Variants in EPHX2 observed in about 807,000 individuals in gnomAD.
EPHX2 encodes the protein epoxide hydrolase 2, also known as bifunctional epoxide hydrolase 2.
Under a neutral mutation model 78.7 loss-of-function variants are expected in EPHX2, and 74 were observed. That is an observed-to-expected ratio of 0.94 (90% CI 0.78 to 1.14). EPHX2 has a LOEUF of 1.14. Ranked by LOEUF, EPHX2 falls within the 50% of genes most tolerant of loss-of-function variation. The pLI, the probability that EPHX2 is intolerant of heterozygous loss-of-function variation, is 0.00. For synonymous variants in EPHX2, 251 were observed against 255.2 expected (o/e 0.98, Z 0.16); for missense variants, 715 against 702.5 (o/e 1.02, Z -0.20).
downstream of EPHX2, chr8:27,545,642 C>G (rs1381200788): frequency 6.6e-6 from 1 of 152,442 alleles, no homozygotes; most frequent in Non-Finnish European, 1.5e-5. Context: ...TGGAATATTC[C>G]TCCTGCCACC....
At chr8:27,529,955 A>T (rs1814977786) in intron 12 of EPHX2, among the ~76,000 whole-genome samples, 1 of 152,086 alleles carries the variant, frequency 6.6e-6, no homozygotes, top group Non-Finnish European at 1.5e-5. Context: ...AAGAGAAACT[A>T]AGGATCAGAG....
chr8:27,526,243 G>A (rs1814842854), intron 12 of EPHX2, among the ~76,000 whole-genome samples: 1 of 152,214 alleles, frequency 6.6e-6, no homozygotes, highest in Non-Finnish European at 1.5e-5. Flanking sequence ...TCCCAGTTTC[G>A]ATTCAACGAG....
chr8:27,510,982 A>C (rs1814218218), intron 5 of EPHX2, among the ~76,000 whole-genome samples: 2 of 152,098 alleles, frequency 1.3e-5, no homozygotes, highest in South Asian at 4.1e-4. Flanking sequence ...GGACACACAC[A>C]GAGAGGTACC....
At chr8:27,499,936 C>G (rs1813703982) in intron 1 of EPHX2, among the ~76,000 whole-genome samples, 1 of 152,198 alleles carries the variant, frequency 6.6e-6, no homozygotes, top group African/African-American at 2.4e-5. Context: ...TAGAGCCCAC[C>G]TGTATGATCT....
intron 2 of EPHX2, among the ~76,000 whole-genome samples, chr8:27,501,621 C>T (rs1813807075): frequency 6.6e-6 from 1 of 151,922 alleles, no homozygotes; most frequent in South Asian, 2.1e-4. Context: ...CCGTGTTACC[C>T]AGACTGGTCT....
In EPHX2 at chr8:27,544,439, C is replaced by G; in HGVS notation, c.1590-5C>G. 6.2e-7 allele frequency: 1 copy of G among 1,614,082 alleles called. No individual in the cohort carries two copies. Among genetic ancestry groups the G allele is most frequent in the Non-Finnish European group, 8.5e-7 (1 of 1,180,020 alleles). ...TTTTTTCTTTTACTTCTCCCTTTCC[C>G]CCAGGCCAACCGAGGTGAATCAGAT... On this transcript the variant is annotated splice_region_variant and splice_polypyrimidine_tract_variant and intron_variant, in intron 18 of 18. Coordinates refer to ENST00000521400, the MANE Select transcript of EPHX2 (RefSeq NM_001979.6).
intron 11 of EPHX2, among the ~76,000 whole-genome samples, chr8:27,525,105 TGTGCGC>T (rs1404575917): frequency 2.6e-4 from 33 of 127,490 alleles, no homozygotes; most frequent in Non-Finnish European, 4.3e-4. Context: ...TGTGTGTGTG[TGTGCGC>T]GCGCGCGCGC....
chr8:27,495,789 A>T (rs2132706788), intron 1 of EPHX2, among the ~76,000 whole-genome samples: 1 of 152,346 alleles, frequency 6.6e-6, no homozygotes, highest in East Asian at 1.9e-4. Context: ...TTGTCCCACG[A>T]GTCTGAGTAA....
chr8:27,499,498 AT>A (rs1295235553), intron 1 of EPHX2, among the ~76,000 whole-genome samples: 7 of 152,172 alleles, frequency 4.6e-5, no homozygotes, highest in African/African-American at 1.4e-4. Flanking sequence ...ATACTTGACT[AT>A]TATCAGAAAT....
chr8:27,512,029 TG>T lies in EPHX2; in HGVS notation c.735+121del. Reference sequence around the variant, plus strand: ...ATCACCTGAACCTGAGCCTGGGAAGTGGAGGTTGCAGTGAGCTGTGATCACA... The same window carrying T: ...ATCACCTGAACCTGAGCCTGGGAAGTGAGGTTGCAGTGAGCTGTGATCACA... On this transcript the variant is annotated intron_variant, in intron 6 of 18. Coordinates refer to ENST00000521400, the MANE Select transcript of EPHX2 (RefSeq NM_001979.6). 4 of 993,440 alleles carry T rather than the reference TG, an allele frequency of 4.0e-6. No homozygotes were observed. In the South Asian group the frequency reaches 5.4e-5, roughly 13 times the overall value. 61.5% of individuals were successfully genotyped at this position (993,440 alleles called of 1,614,324 possible).
In EPHX2 at chr8:27,491,264, T is replaced by C; in HGVS notation, c.56T>C (p.Val19Ala). The C allele has an allele frequency of 6.3e-7, 1 of 1,582,004 alleles. No homozygotes were observed. Among genetic ancestry groups the C allele is most frequent in the Non-Finnish European group, 8.5e-7 (1 of 1,173,204 alleles). The change falls in exon 1 of 19, where the codon GTG (valine) becomes GCG (alanine). Residue 19 changes from valine to alanine, a missense_variant. Transcript: ENST00000521400. ...GACGGGGTGCTGGCGCTGCCAGCGG[T>C]GTTCGGCGTCCTCGGCCGCACGGAG... ...DLDGVLALPA[V>A]FGVLGRTEEA...
At chr8:27,525,863 C>A (rs1209193664) in intron 12 of EPHX2, among the ~76,000 whole-genome samples, 1 of 152,180 alleles carries the variant, frequency 6.6e-6, no homozygotes, top group East Asian at 1.9e-4. Context: ...TCTGAAGAAT[C>A]TGAGAAGTTT....
rs760415141 is a variant in EPHX2 at position 27,503,665 on chromosome 8, C to T, written c.248C>T (p.Pro83Leu). Residue 83 changes from proline (P) to leucine (L), a missense_variant, in exon 3 of 19, where the codon CCC (proline) becomes CTC (leucine). Transcript: ENST00000521400. ...TCCGAGACCGCTAAAGTCTGCCTCC[C>T]CAAGAATTTCTCCATAAAAGAAATC... The part of the protein sequence containing the change: ...KCSETAKVCL[P>L]KNFSIKEIFD... 2 of 1,613,948 alleles carry T rather than the reference C, an allele frequency of 1.2e-6. No homozygotes were observed. The highest frequency in any genetic ancestry group is 3.3e-5 in the Admixed American group (2 of 59,998).
rs188655150 is a variant in EPHX2, at chr8:27,511,118, C to T, written c.661-718C>T. Among the ~76,000 whole-genome samples, 220 of 152,334 alleles carry T rather than the reference C, an allele frequency of 1.4e-3. 2 individuals carry two copies. Among genetic ancestry groups the T allele is most frequent in the South Asian group, 0.013 (62 of 4,834 alleles). ...AGCACCTTGACTTTGGACTTCCAGCCTCCAGAACTGTGAGGAAATAAATAT... is the reference window on the plus strand; with the variant it reads ...AGCACCTTGACTTTGGACTTCCAGCTTCCAGAACTGTGAGGAAATAAATAT... On this transcript the variant is annotated intron_variant, in intron 5 of 18. Coordinates refer to ENST00000521400, the MANE Select transcript of EPHX2 (RefSeq NM_001979.6).
At chr8:27,525,310 G>A in intron 11 of EPHX2, 52 bp from the exon 12 acceptor site, 1 of 1,558,624 alleles carries the variant, frequency 6.4e-7, no homozygotes, top group East Asian at 2.2e-5. Context: ...TCTGGCTCTT[G>A]TAAGACTGTC....
chr8:27,503,183 C>G (rs529137683), intron 2 of EPHX2, among the ~76,000 whole-genome samples: 2 of 152,320 alleles, frequency 1.3e-5, no homozygotes, highest in South Asian at 2.1e-4. Context: ...CAAGCCCTAA[C>G]CAGACACCAA....
At chr8:27,516,986 C>T (rs974422590) in intron 8 of EPHX2, among the ~76,000 whole-genome samples, 8 of 139,930 alleles carry the variant, frequency 5.7e-5, no homozygotes, top group Admixed American at 7.6e-5. Context: ...ATGGTGTGAT[C>T]TTAGCTCACT....
intron 12 of EPHX2, among the ~76,000 whole-genome samples, chr8:27,526,314 C>T (rs1006610375): frequency 1.3e-5 from 2 of 152,180 alleles, no homozygotes; most frequent in African/African-American, 4.8e-5. Flanking sequence ...AGGAGCTTTG[C>T]GATTCAGGCA....
rs1222998252 is a variant in EPHX2 at position 27,544,559 on chromosome 8, C to T, written c.*37C>T. The T allele has an allele frequency of 6.2e-7, 1 of 1,603,334 alleles. No homozygotes were observed. Among genetic ancestry groups the T allele is most frequent in the East Asian group, 2.2e-5 (1 of 44,798 alleles). ...TGCCCACGCTCAGCAGGTGTGCCAT[C>T]CTTCCACCTGCTGGGGCACCATTCT... is the stretch of plus-strand genomic sequence containing the variant. On this transcript the variant is annotated 3_prime_UTR_variant, in exon 19 of 19. Transcript: ENST00000521400.
Sources: gnomAD v4.1 joint callset for allele counts (sites outside exome capture counted in the v4.1 genomes callset) on GRCh38, gnomAD v4.1.1 for gene constraint, MANE v1.5 for transcripts, NCBI Gene and HGNC (gene_info 2026-07-23, HGNC 2026-07-21) for gene names.